PTPRD: variants seen among roughly 807,000 people sequenced by gnomAD.
PTPRD encodes the protein receptor-type tyrosine-protein phosphatase delta.
A neutral mutation model predicts 214.5 loss-of-function variants in PTPRD; 34 were observed. The observed-to-expected ratio is 0.16, with a 90% confidence interval of 0.12 to 0.21. The LOEUF is 0.21. PTPRD is among the 10% of genes least tolerant of loss of function. The probability of loss-of-function intolerance (pLI) is 1.00; values close to 1 mark genes in which losing one functional copy is unlikely to be tolerated. For synonymous variants in PTPRD, 1,128 were observed against 845.7 expected, an observed-to-expected ratio of 1.33 and a Z score of -5.79; for missense variants, 2,545 against 2,398.7, an observed-to-expected ratio of 1.06 and a Z score of -1.27.
Position 8,339,021 on chromosome 9 carries a change from T to C in PTPRD, c.5280A>G (p.Ala1760=), listed in dbSNP as rs1386978634. The C allele has an allele frequency of 5.6e-6, 9 of 1,612,058 alleles. No individual in the cohort carries two copies. Among genetic ancestry groups the C allele is most frequent in the Non-Finnish European group, 6.8e-6 (8 of 1,178,712 alleles). ...AGTACTGGTATCTTGCAGACCGTTCTGCTGGCCAGTATTGGTGACATTTCT... is the reference window on the plus strand; with the variant it reads ...AGTACTGGTATCTTGCAGACCGTTCCGCTGGCCAGTATTGGTGACATTTCT... ...GREKCHQYWP[A]ERSARYQYFV... The change falls in exon 43 of 46, where the codon GCA becomes GCG. Residue 1760 remains alanine (A), a synonymous_variant. Coordinates refer to ENST00000381196, the MANE Select transcript of PTPRD (RefSeq NM_002839.4).
At chr9:8,691,056 G>A (rs2097790179) in intron 12 of PTPRD, among the ~76,000 whole-genome samples, 2 of 152,052 alleles carry the variant, frequency 1.3e-5, no homozygotes, top group African/African-American at 4.8e-5. Context: ...AGTTCAGAAT[G>A]GAAAACAATT....
At chr9:9,105,143 ACTT>A (rs1329203656) in intron 10 of PTPRD, among the ~76,000 whole-genome samples, 5 of 152,206 alleles carry the variant, frequency 3.3e-5, no homozygotes, top group South Asian at 4.1e-4. Context: ...CCTAATAATA[ACTT>A]CTTTGAATTC....
At chr9:10,142,269 C>T (rs902012517) in intron 3 of PTPRD, among the ~76,000 whole-genome samples, 22 of 151,070 alleles carry the variant, frequency 1.5e-4, no homozygotes, top group Non-Finnish European at 2.1e-4. Context: ...CCAAAATTGA[C>T]AAATGGGATC....
chr9:10,421,366 G>A (rs2098544129), intron 2 of PTPRD, among the ~76,000 whole-genome samples: 1 of 151,784 alleles, frequency 6.6e-6, no homozygotes, highest in African/African-American at 2.4e-5. Flanking sequence ...CAGCAATGTT[G>A]GCAACATTAG....
intron 3 of PTPRD, among the ~76,000 whole-genome samples, chr9:10,283,193 T>A (rs1332058678): frequency 6.6e-6 from 1 of 151,962 alleles, no homozygotes; most frequent in East Asian, 1.9e-4. Context: ...CATTTAAAAT[T>A]ATTTTTCTGG....
In PTPRD at chr9:9,039,025, T is replaced by G. The variant is rs935886273; in HGVS notation, c.-142-20290A>C. Among the ~76,000 whole-genome samples the G allele has an allele frequency of 3.3e-5, 5 of 152,102 alleles. No individual in the cohort carries two copies. The South Asian group carries it at 1.0e-3, about 32-fold the overall frequency. ...AGCACCCCTATCTCCCACAAAATAT[T>G]AAAGTAGAAAATAAAACAAGGTTGT... On this transcript the variant is annotated intron_variant, in intron 10 of 45. Transcript: ENST00000381196.
At position 8,508,205 on chromosome 9, in the gene PTPRD, C is replaced by G. The variant is rs536491820; in HGVS notation, c.1544-771G>C. ...AGATCATCTATAATTCTCATGTTAG[C>G]CATGTCATCTATTCAACAGACAATT... On this transcript the variant is annotated intron_variant, in intron 21 of 45. Coordinates refer to ENST00000381196, the MANE Select transcript of PTPRD (RefSeq NM_002839.4). Among the ~76,000 whole-genome samples the G allele has an allele frequency of 5.3e-4, 81 of 152,248 alleles. No homozygotes were observed. In the Middle Eastern group the frequency reaches 0.01, roughly 19 times the overall value.
intron 4 of PTPRD, among the ~76,000 whole-genome samples, chr9:9,990,651 G>T (rs920602123): frequency 2.6e-5 from 4 of 152,216 alleles, no homozygotes; most frequent in African/African-American, 9.7e-5. Flanking sequence ...TTAGCCCTGG[G>T]CTGGGATGAC....
chr9:10,007,303 G>A (rs1478914694), intron 4 of PTPRD, among the ~76,000 whole-genome samples: 2 of 151,930 alleles, frequency 1.3e-5, no homozygotes, highest in East Asian at 3.9e-4. Flanking sequence ...AAGGACATAA[G>A]TAGAGTTTTA....
At chr9:8,403,723 A>C (rs1332686916) in intron 36 of PTPRD, among the ~76,000 whole-genome samples, 1 of 152,232 alleles carries the variant, frequency 6.6e-6, no homozygotes, top group African/African-American at 2.4e-5. Context: ...GCAGATTACC[A>C]AGCAGTCCAC....
At chr9:9,516,738 A>G (rs924305738) in intron 8 of PTPRD, among the ~76,000 whole-genome samples, 8 of 151,102 alleles carry the variant, frequency 5.3e-5, no homozygotes, top group African/African-American at 1.7e-4. Context: ...GGGCTTCGCT[A>G]TGTTGGCCAA....
intron 14 of PTPRD, among the ~76,000 whole-genome samples, chr9:8,550,320 T>A (rs572296982): frequency 3.3e-5 from 5 of 152,328 alleles, no homozygotes; most frequent in Admixed American, 2.0e-4. Flanking sequence ...AATGATTTAA[T>A]GCATGTATGG....
chr9:9,466,918 T>A (rs1201814872), intron 8 of PTPRD, among the ~76,000 whole-genome samples: 1 of 152,162 alleles, frequency 6.6e-6, no homozygotes, highest in African/African-American at 2.4e-5. Flanking sequence ...TGTCAAGTAC[T>A]GAGAAAATAT....
At chr9:8,934,408 T>C (rs2098975123) in intron 11 of PTPRD, among the ~76,000 whole-genome samples, 1 of 42,822 alleles carries the variant, frequency 2.3e-5, no homozygotes, top group Non-Finnish European at 4.4e-5. Context: ...TGTGTGTGTG[T>C]GTGTGTGTGT....
chr9:8,476,691 C>T (rs1378128565), intron 30 of PTPRD, among the ~76,000 whole-genome samples: 1 of 152,070 alleles, frequency 6.6e-6, no homozygotes, highest in Admixed American at 6.5e-5. Context: ...AAAAACATTA[C>T]TAAAGCAGAC....
intron 5 of PTPRD, among the ~76,000 whole-genome samples, chr9:9,915,271 G>C (rs1331455274): frequency 6.6e-6 from 1 of 151,710 alleles, no homozygotes; most frequent in Admixed American, 6.6e-5. Context: ...AATTAAACTA[G>C]ATTACTTTTC....
intron 12 of PTPRD, among the ~76,000 whole-genome samples, chr9:8,707,288 C>T (rs1015273358): frequency 1.3e-5 from 2 of 152,206 alleles, no homozygotes; most frequent in East Asian, 1.9e-4. Context: ...AAGGATGTTA[C>T]CTGGATGGGC....
At chr9:9,732,634 G>A (rs1357780218) in intron 7 of PTPRD, among the ~76,000 whole-genome samples, 2 of 152,294 alleles carry the variant, frequency 1.3e-5, no homozygotes, top group African/African-American at 4.8e-5. Context: ...TGGAAATGGG[G>A]AGGCAAAATT....
At chr9:10,295,371 A>G (rs897339443) in intron 3 of PTPRD, among the ~76,000 whole-genome samples, 1 of 152,068 alleles carries the variant, frequency 6.6e-6, no homozygotes, top group Non-Finnish European at 1.5e-5. Context: ...ACCTGAGGTG[A>G]TTGCTTTTAG....
Sources: allele counts gnomAD v4.1 joint callset (sites outside exome capture counted in the v4.1 genomes callset), GRCh38; gene constraint gnomAD v4.1.1; transcripts MANE v1.5; gene names NCBI Gene and HGNC (gene_info 2026-07-23, HGNC 2026-07-21).